The following MAP7D3 variants were observed in gnomAD, a reference collection of about 807,000 sequenced individuals.
MAP7D3 encodes the protein MAP7 domain-containing protein 3.
Under a neutral mutation model 62.2 loss-of-function variants are expected in MAP7D3, and 45 were observed. The observed-to-expected ratio is 0.72, with a 90% CI of 0.57 to 0.93. MAP7D3 has a LOEUF of 0.93. MAP7D3 is among the 40% of genes least tolerant of loss of function. The probability of loss-of-function intolerance (pLI) is 0.00; values close to 1 mark genes in which losing one functional copy is unlikely to be tolerated. For missense variants in MAP7D3, 711 were observed against 683.1 expected, an observed-to-expected ratio of 1.04 and a Z score of -0.45; for synonymous variants, 288 against 248.8, an observed-to-expected ratio of 1.16 and a Z score of -1.48.
chrX:136,250,933 CG>C (rs1183375838), intron 1 of MAP7D3, among the ~76,000 whole-genome samples: 1 of 111,430 alleles, frequency 9.0e-6, no homozygotes, highest in Admixed American at 9.3e-5. Context: ...AGATGGGGCA[CG>C]GGGCGGTCCG....
At chrX:136,237,057 G>A (rs1390580699) in intron 6 of MAP7D3, among the ~76,000 whole-genome samples, 3 of 112,388 alleles carry the variant, frequency 2.7e-5, no homozygotes, top group Non-Finnish European at 5.6e-5. Context: ...TAAATGCCAC[G>A]ATTTAAGCAA....
intron 7 of MAP7D3, among the ~76,000 whole-genome samples, chrX:136,234,251 C>G (rs1413085801): frequency 9.1e-6 from 1 of 110,150 alleles, no homozygotes; most frequent in Non-Finnish European, 1.9e-5. Flanking sequence ...GGGGGGTGGT[C>G]TTGCTATCCA....
chrX:136,252,991 G>T (rs1017742897), upstream of MAP7D3, among the ~76,000 whole-genome samples: 1 of 110,276 alleles, frequency 9.1e-6, no homozygotes, highest in Non-Finnish European at 1.9e-5. Context: ...CCAGCTGCTC[G>T]GGAGGCTGAG....
chrX:136,241,407 T>A (rs2074388194), intron 4 of MAP7D3, 130 bp from the exon 5 acceptor site: 1 of 364,254 alleles, frequency 2.7e-6, no homozygotes, highest in Non-Finnish European at 4.8e-6. Context: ...TGGAGATATG[T>A]CTCAGCTATC....
At chrX:136,221,427 G>A (rs938719338) in intron 15 of MAP7D3, among the ~76,000 whole-genome samples, 2 of 112,050 alleles carry the variant, frequency 1.8e-5, no homozygotes, top group African/African-American at 6.5e-5. Context: ...CAGGGTTCAC[G>A]CCATTCTCCT....
At chrX:136,226,675 G>C (rs2074201262) in intron 12 of MAP7D3, among the ~76,000 whole-genome samples, 1 of 111,968 alleles carries the variant, frequency 8.9e-6, no homozygotes, top group South Asian at 3.7e-4. Context: ...ACCAATGTAG[G>C]ATGTGGAATC....
intron 7 of MAP7D3, among the ~76,000 whole-genome samples, chrX:136,233,635 T>TAAAAAAAAAA (rs151267120): frequency 3.3e-5 from 1 of 30,604 alleles, no homozygotes; most frequent in African/African-American, 1.4e-4. Flanking sequence ...TAAATTAAAC[T>TAAAAAAAAAA]AAAAAAAAAA....
At chrX:136,244,427 G>T (rs2074424568) in intron 4 of MAP7D3, among the ~76,000 whole-genome samples, 3 of 111,361 alleles carry the variant, frequency 2.7e-5, no homozygotes, top group African/African-American at 9.8e-5. Context: ...CATTCCCTAG[G>T]CTAGTGGGTC....
intron 4 of MAP7D3, among the ~76,000 whole-genome samples, chrX:136,243,746 G>T (rs1394049864): frequency 9.1e-6 from 1 of 110,466 alleles, no homozygotes; most frequent in African/African-American, 3.3e-5. Context: ...AAGAGAGAAT[G>T]CCAGGAAGAT....
intron 4 of MAP7D3, among the ~76,000 whole-genome samples, chrX:136,241,648 C>T (rs747550118): frequency 5.4e-5 from 6 of 110,812 alleles, no homozygotes; most frequent in African/African-American, 1.6e-4. Context: ...TTGATTCCCC[C>T]AACCATTTAT....
intron 4 of MAP7D3, among the ~76,000 whole-genome samples, chrX:136,241,605 G>A (rs748531564): frequency 2.2e-4 from 24 of 111,400 alleles, no homozygotes; most frequent in Non-Finnish European, 4.1e-4. Flanking sequence ...CATACCTTAT[G>A]TTTTATTTGC....
chrX:136,234,141 CA>C (rs979949134), intron 7 of MAP7D3, among the ~76,000 whole-genome samples: 2 of 104,322 alleles, frequency 1.9e-5, no homozygotes, highest in African/African-American at 7.1e-5. Context: ...AGAGAAAAAG[CA>C]AAGGGAGTGG....
rs745541241 is a variant in MAP7D3 at position 136,241,216 on chromosome X, T to G, written c.479A>C (p.Gln160Pro). The G allele has an allele frequency of 1.7e-6, 2 of 1,193,933 alleles. No homozygotes were observed. Among genetic ancestry groups the G allele is most frequent in the Non-Finnish European group, 2.3e-6 (2 of 884,898 alleles). ...GCCTCCCCATGACCATCTTTTTTGC[T>G]GATAATCATCAGCAAGTCTCCTCCG... ...LERRRLADDYQQKRWSWGGSA... is the reference protein window; with the variant it reads ...LERRRLADDYPQKRWSWGGSA... Residue 160 changes from glutamine (Q) to proline (P), a missense_variant, in exon 5 of 19, where the codon CAG becomes CCG. Coordinates refer to ENST00000316077, the MANE Select transcript of MAP7D3 (RefSeq NM_024597.4).
At position 136,241,124 on chromosome X, in the gene MAP7D3, TAAAC is replaced by T. The variant is rs764692948; in HGVS notation, c.535+32_535+35del. On this transcript the variant is annotated intron_variant, in intron 5 of 18. Coordinates refer to ENST00000316077, the MANE Select transcript of MAP7D3 (RefSeq NM_024597.4). ...CATAGCCAATATTTAAACAAGAACATAAACAAACTTAAAATTTAATGGGTGTATT... is the reference window on the plus strand; with the variant it reads ...CATAGCCAATATTTAAACAAGAACATAAACTTAAAATTTAATGGGTGTATT... 1.0e-5 allele frequency: 8 copies of T among 783,969 alleles called. No individual in the cohort carries two copies. In the South Asian group the frequency reaches 1.5e-4, roughly 15 times the overall value. The allele number at this position is 783,969 out of a possible 1,213,427, so 64.6% of individuals were successfully genotyped here.
At chrX:136,254,474 G>A (rs1025369015), upstream of MAP7D3, among the ~76,000 whole-genome samples, 26 of 111,385 alleles carry the variant, frequency 2.3e-4, no homozygotes, top group African/African-American at 7.8e-4. Context: ...TTACACATGG[G>A]GAGGCACCCT....
intron 15 of MAP7D3, among the ~76,000 whole-genome samples, chrX:136,222,063 G>T (rs1043154358): frequency 1.8e-5 from 2 of 112,558 alleles, no homozygotes; most frequent in Non-Finnish European, 3.7e-5. Context: ...GATGCCTTGA[G>T]GAGCTGAGCT....
chrX:136,252,416 C>T (rs1390302259), upstream of MAP7D3, among the ~76,000 whole-genome samples: 1 of 107,661 alleles, frequency 9.3e-6, no homozygotes, highest in Admixed American at 1.0e-4. Flanking sequence ...GTGGCTCATG[C>T]CTGTAATCCT....
chrX:136,252,606 G>A (rs1203856950), upstream of MAP7D3, among the ~76,000 whole-genome samples: 4 of 99,066 alleles, frequency 4.0e-5, no homozygotes, highest in Non-Finnish European at 8.1e-5. Flanking sequence ...GAACCCGGGA[G>A]GTGGAGTTTG....
rs372585236 is a variant in MAP7D3, at chrX:136,227,430, C to A, written c.1888G>T (p.Val630Phe). The A allele has an allele frequency of 1.7e-6, 2 of 1,177,549 alleles. No homozygotes were observed. Among genetic ancestry groups the A allele is most frequent in the Non-Finnish European group, 2.3e-6 (2 of 870,161 alleles). ...ERQREEMQQRVIKKSKDMAKE... is the reference protein window; with the variant it reads ...ERQREEMQQRFIKKSKDMAKE... ...GCCATGTCTTTTGATTTCTTAATGA[C>A]CCTGAGAGTATTTAAATAATTGTTA... The change falls in exon 12 of 19, where the codon GTC becomes TTC. Residue 630 changes from valine (V) to phenylalanine (F), a missense_variant and splice_region_variant. Physicochemically the swap from Val to Phe is conservative, Grantham distance 50. Transcript: ENST00000316077.
Sources: allele counts gnomAD v4.1 joint callset (sites outside exome capture counted in the v4.1 genomes callset), GRCh38; gene constraint gnomAD v4.1.1; transcripts MANE v1.5; gene names NCBI Gene and HGNC (gene_info 2026-07-23, HGNC 2026-07-21).